Variants in MRAP2 observed in about 807,000 individuals in gnomAD.
MRAP2 encodes the protein melanocortin 2 receptor accessory protein 2.
Under a neutral mutation model 17.4 loss-of-function variants are expected in MRAP2, and 20 were observed. The observed-to-expected ratio is 1.15, with a 90% confidence interval of 0.81 to 1.67. The LOEUF (loss-of-function observed/expected upper bound fraction) is 1.67. Ranked by LOEUF, MRAP2 falls within the 40% of genes most tolerant of loss-of-function variation. MRAP2 has a pLI of 0.00. For synonymous variants in MRAP2, 96 were observed against 88.4 expected (o/e 1.09, Z -0.48); for missense variants, 238 against 240.0 (o/e 0.99, Z 0.05).
At chr6:84,068,771 A>G (rs1393894395) in intron 3 of MRAP2, among the ~76,000 whole-genome samples, 1 of 143,742 alleles carries the variant, frequency 7.0e-6, no homozygotes. Context: ...GTGTCTGGAA[A>G]GTTTGCTGAA....
upstream of MRAP2, among the ~76,000 whole-genome samples, chr6:84,033,252 C>T (rs867923156): frequency 6.6e-6 from 1 of 152,216 alleles, no homozygotes; most frequent in Non-Finnish European, 1.5e-5. Flanking sequence ...AAGAGATGAG[C>T]CAGCCCTGCT....
In MRAP2 at chr6:84,089,511, A is replaced by T; in HGVS notation, c.*30A>T. ...CATGCTCTGTAAAGGGTCTTCCTGA[A>T]GATGTGGATTCTATCTTTATGTAGC... On this transcript the variant is annotated 3_prime_UTR_variant, in exon 4 of 4. Coordinates refer to ENST00000257776, the MANE Select transcript of MRAP2 (RefSeq NM_138409.4). The T allele has an allele frequency of 6.3e-7, 1 of 1,583,000 alleles. No individual in the cohort carries two copies.
the MRAP2 span, among the ~76,000 whole-genome samples, chr6:84,128,585 A>G: frequency 5.9e-5 from 9 of 152,106 alleles, no homozygotes; most frequent in Non-Finnish European, 1.2e-4. Context: ...TAGCATCAAT[A>G]TCTTCATCTA....
chr6:84,122,997 A>G, the MRAP2 span, among the ~76,000 whole-genome samples: 617 of 152,106 alleles, frequency 4.1e-3, 4 homozygotes, highest in African/African-American at 0.014. Flanking sequence ...ACACACACAC[A>G]CGCACACACA....
At chr6:84,064,515 T>C (rs2099494052) in intron 3 of MRAP2, among the ~76,000 whole-genome samples, 1 of 151,764 alleles carries the variant, frequency 6.6e-6, no homozygotes, top group African/African-American at 2.4e-5. Flanking sequence ...TGAGACGGAG[T>C]CTTGCTCTGT....
chr6:84,078,944 C>T (rs751497279), intron 3 of MRAP2, among the ~76,000 whole-genome samples: 5 of 152,198 alleles, frequency 3.3e-5, no homozygotes, highest in Admixed American at 2.6e-4. Context: ...GGTGGAAAAA[C>T]TAATTCTCAC....
At chr6:84,039,437 C>G (rs915120656) in intron 1 of MRAP2, among the ~76,000 whole-genome samples, 6 of 152,100 alleles carry the variant, frequency 3.9e-5, no homozygotes, top group Non-Finnish European at 7.3e-5. Context: ...ATGAGAAGTG[C>G]TTAGTCCTAT....
At chr6:84,047,757 G>A (rs1400462156) in intron 1 of MRAP2, among the ~76,000 whole-genome samples, 1 of 152,070 alleles carries the variant, frequency 6.6e-6, no homozygotes, top group Non-Finnish European at 1.5e-5. Context: ...AAGTAATCAT[G>A]GTTTTTGCCG....
the MRAP2 span, among the ~76,000 whole-genome samples, chr6:84,131,857 G>A: frequency 2.6e-5 from 4 of 152,092 alleles, no homozygotes; most frequent in African/African-American, 9.7e-5. Context: ...GGTTAATATT[G>A]TTATGTGTGA....
At chr6:84,109,030 T>C in the MRAP2 span, among the ~76,000 whole-genome samples, 1 of 152,208 alleles carries the variant, frequency 6.6e-6, no homozygotes, top group African/African-American at 2.4e-5. Context: ...CATTGGTCTA[T>C]GTGTCTGTTC....
intron 1 of MRAP2, among the ~76,000 whole-genome samples, chr6:84,053,231 C>A (rs1397480947): frequency 6.6e-6 from 1 of 152,090 alleles, no homozygotes; most frequent in Non-Finnish European, 1.5e-5. Context: ...TTTTTCTATT[C>A]CAGATGAAGT....
At chr6:84,070,039 C>T (rs1056726243) in intron 3 of MRAP2, among the ~76,000 whole-genome samples, 1 of 151,908 alleles carries the variant, frequency 6.6e-6, no homozygotes, top group African/African-American at 2.4e-5. Flanking sequence ...TTTCAAAGAG[C>T]CAGCTTTATG....
chr6:84,082,180 T>A (rs925032369), intron 3 of MRAP2, among the ~76,000 whole-genome samples: 4 of 152,172 alleles, frequency 2.6e-5, no homozygotes, highest in Non-Finnish European at 4.4e-5. Flanking sequence ...TGGTAGAGAG[T>A]TGGATTGAAA....
At chr6:84,108,791 G>C in the MRAP2 span, among the ~76,000 whole-genome samples, 1 of 152,004 alleles carries the variant, frequency 6.6e-6, no homozygotes, top group African/African-American at 2.4e-5. Flanking sequence ...TTTCTTACAG[G>C]GTTTTTATAG....
chr6:84,131,771 C>G, the MRAP2 span, among the ~76,000 whole-genome samples: 2,313 of 152,174 alleles, frequency 0.015, 48 homozygotes, highest in African/African-American at 0.052. Context: ...ATACAGCACA[C>G]TGATGGGTTT....
At chr6:84,070,006 T>C (rs1179778709) in intron 3 of MRAP2, among the ~76,000 whole-genome samples, 1 of 152,162 alleles carries the variant, frequency 6.6e-6, no homozygotes, top group Non-Finnish European at 1.5e-5. Flanking sequence ...TTCTTGCTAA[T>C]GGTTTATCAA....
intron 1 of MRAP2, among the ~76,000 whole-genome samples, chr6:84,039,304 T>G (rs11970690): frequency 0.1 from 15,232 of 152,194 alleles, 2,473 homozygotes; most frequent in African/African-American, 0.34. Context: ...GGGAAAAAAT[T>G]ATTTCTTTAA....
At chr6:84,128,937 C>T in the MRAP2 span, among the ~76,000 whole-genome samples, 85 of 151,290 alleles carry the variant, frequency 5.6e-4, no homozygotes, top group African/African-American at 1.8e-3. Flanking sequence ...TGAGAACATG[C>T]GGTGTTTGGT....
chr6:84,133,151 C>T, the MRAP2 span, among the ~76,000 whole-genome samples: 4 of 152,274 alleles, frequency 2.6e-5, no homozygotes, highest in Non-Finnish European at 5.9e-5. Context: ...GCCTGGGTAT[C>T]ACCAGCAGAG....
Sources: allele counts gnomAD v4.1 joint callset (sites outside exome capture counted in the v4.1 genomes callset), GRCh38; gene constraint gnomAD v4.1.1; transcripts MANE v1.5; gene names NCBI Gene and HGNC (gene_info 2026-07-23, HGNC 2026-07-21).